The following APBA2 variants were observed in gnomAD, a reference collection of about 807,000 sequenced individuals.
APBA2 encodes the protein amyloid-beta A4 precursor protein-binding family A member 2.
A neutral mutation model predicts 75.0 loss-of-function variants in APBA2; 30 were observed. The ratio of observed to expected loss-of-function variants is 0.40; its 90% CI spans 0.30 to 0.54. The LOEUF (loss-of-function observed/expected upper bound fraction) is 0.54, where lower values mean the gene tolerates loss of function less well. Ranked by LOEUF, APBA2 falls within the 20% of genes least tolerant of loss-of-function variation. The pLI, the probability that APBA2 is intolerant of heterozygous loss-of-function variation, is 0.49. For synonymous variants in APBA2, 444 were observed against 409.6 expected, an observed-to-expected ratio of 1.08 and a Z score of -1.01; for missense variants, 801 against 1,016.1, an observed-to-expected ratio of 0.79 and a Z score of 2.88.
chr15:28,949,758 C>T (rs1416047086), intron 2 of APBA2, among the ~76,000 whole-genome samples: 3 of 152,168 alleles, frequency 2.0e-5, no homozygotes, highest in African/African-American at 7.2e-5. Flanking sequence ...CGTGAGTTAC[C>T]ACACCCGGCC....
At chr15:28,999,701 A>G (rs1458913648) in intron 3 of APBA2, among the ~76,000 whole-genome samples, 1 of 152,188 alleles carries the variant, frequency 6.6e-6, no homozygotes, top group Non-Finnish European at 1.5e-5. Flanking sequence ...TCAGTGTTGT[A>G]TTAGTCAGTT....
intron 4 of APBA2, among the ~76,000 whole-genome samples, chr15:29,061,128 G>A (rs2042113497): frequency 6.6e-6 from 1 of 152,198 alleles, no homozygotes. Context: ...TGGGTCTGTG[G>A]GGTGGCCCTG....
intron 13 of APBA2, among the ~76,000 whole-genome samples, chr15:29,109,805 G>C: frequency 6.6e-6 from 1 of 152,256 alleles, no homozygotes; most frequent in Non-Finnish European, 1.5e-5. Flanking sequence ...TGCTTGTGAA[G>C]ATCAGCTGAG....
intron 4 of APBA2, among the ~76,000 whole-genome samples, chr15:29,061,138 G>C (rs957518837): frequency 5.3e-5 from 8 of 152,208 alleles, no homozygotes; most frequent in African/African-American, 1.9e-4. Context: ...GGGTGGCCCT[G>C]GATGGCATGT....
Position 29,054,796 on chromosome 15 carries a change from C to G in APBA2, c.912C>G (p.Thr304=), listed in dbSNP as rs1469538542. The stretch of plus-strand genomic sequence containing the variant: ...CCCAGAGAGGCTTCAAGCCCAAGAC[C>G]AGGACCCCAGAAGAGAGGCTGAAGT... ...GDPQRGFKPK[T]RTPEERLKWP... is the part of the protein sequence containing the mutation. Residue 304 remains threonine, a synonymous_variant, in exon 4 of 15, where the codon ACC becomes ACG. Transcript: ENST00000683413. The surrounding 1 kb of genome is among the most constrained non-coding windows in gnomAD (Gnocchi z 6.1). 6.2e-7 allele frequency: 1 copy of G among 1,601,746 alleles called. No homozygotes were observed. Among genetic ancestry groups the G allele is most frequent in the Non-Finnish European group, 8.5e-7 (1 of 1,179,920 alleles).
chr15:28,964,922 C>G (rs1044034603), intron 2 of APBA2, among the ~76,000 whole-genome samples: 1 of 150,802 alleles, frequency 6.6e-6, no homozygotes, highest in African/African-American at 2.4e-5. Context: ...ATTTTTTTTT[C>G]TGTTATCTTA....
intron 3 of APBA2, among the ~76,000 whole-genome samples, chr15:29,011,869 T>C: frequency 6.6e-6 from 1 of 152,260 alleles, no homozygotes; most frequent in East Asian, 1.9e-4. Flanking sequence ...AATTTATTCC[T>C]AGTAGGTTGC....
chr15:28,904,192 T>A (rs2033022218), intron 1 of APBA2, among the ~76,000 whole-genome samples: 1 of 152,022 alleles, frequency 6.6e-6, no homozygotes, highest in African/African-American at 2.4e-5. Context: ...GATACCAGAC[T>A]CCACCCGCCG....
At chr15:29,084,895 T>C (rs2043222209) in intron 6 of APBA2, among the ~76,000 whole-genome samples, 1 of 152,240 alleles carries the variant, frequency 6.6e-6, no homozygotes, top group African/African-American at 2.4e-5. Context: ...TCCTGTAAAA[T>C]AGTGGTTGTT....
intron 4 of APBA2, chr15:29,070,970 A>G (rs1346292781): frequency 2.3e-6 from 1 of 433,400 alleles, no homozygotes; most frequent in Non-Finnish European, 4.6e-6. Context: ...TTCACAGGCC[A>G]CTGGGGATGG....
chr15:28,999,472 C>G (rs1268116362), intron 3 of APBA2, among the ~76,000 whole-genome samples: 1 of 152,180 alleles, frequency 6.6e-6, no homozygotes, highest in African/African-American at 2.4e-5. Flanking sequence ...TGAACTCTGC[C>G]TTGCTCCTAA....
intron 3 of APBA2, among the ~76,000 whole-genome samples, chr15:29,047,005 T>C (rs1252799444): frequency 6.6e-6 from 1 of 152,250 alleles, no homozygotes; most frequent in East Asian, 1.9e-4. Context: ...CTGCACTGGT[T>C]GCTCTCTTCT....
Position 29,054,058 on chromosome 15 carries a change from A to G in APBA2, c.174A>G (p.Pro58=). 2.5e-6 allele frequency: 4 copies of G among 1,613,958 alleles called. No individual in the cohort carries two copies. Among genetic ancestry groups the G allele is most frequent in the Non-Finnish European group, 3.4e-6 (4 of 1,180,012 alleles). Residue 58 remains proline, a synonymous_variant, in exon 4 of 15, where the codon CCA becomes CCG. Coordinates refer to ENST00000683413, the MANE Select transcript of APBA2 (RefSeq NM_001353788.2). The surrounding 1 kb of genome is among the most constrained non-coding windows in gnomAD (Gnocchi z 6.1). ...CCCTGCGGCCAGAGAGCCCCGCGCC[A>G]GAGGAACAGGAGTGCCACAACCACA... ...LAALRPESPA[P]EEQECHNHSP...
intron 2 of APBA2, among the ~76,000 whole-genome samples, chr15:28,932,854 G>T: frequency 6.6e-6 from 1 of 152,190 alleles, no homozygotes; most frequent in Non-Finnish European, 1.5e-5. Flanking sequence ...AGGAGATGGG[G>T]CCTTATGGAG....
chr15:28,899,915 C>A lies in APBA2; in HGVS notation c.-205+13637C>A, dbSNP rs139020020. 3.5e-3 allele frequency among the ~76,000 whole-genome samples: 534 copies of A among 152,302 alleles called. 7 individuals carry two copies. The highest frequency in any genetic ancestry group is 0.012 in the African/African-American group (504 of 41,554). On this transcript the variant is annotated intron_variant, in intron 1 of 14. Coordinates refer to ENST00000683413, the MANE Select transcript of APBA2 (RefSeq NM_001353788.2). ...ATATACTATGAAAAAACCAGTCTTT[C>A]CCCCAAGATGCTTTGCGACACAGTG...
At chr15:29,013,141 ATTTT>A (rs142863229) in intron 3 of APBA2, among the ~76,000 whole-genome samples, 2 of 150,166 alleles carry the variant, frequency 1.3e-5, no homozygotes, top group African/African-American at 5.0e-5. Context: ...CAGACATAAT[ATTTT>A]TTTTTACTTC....
intron 2 of APBA2, among the ~76,000 whole-genome samples, chr15:28,934,421 C>T (rs1399488134): frequency 6.6e-6 from 1 of 152,136 alleles, no homozygotes; most frequent in African/African-American, 2.4e-5. Flanking sequence ...TTGTCAAGGT[C>T]TGGCAGCTCA....
rs1342298470 is a variant in APBA2 at position 28,918,559 on chromosome 15, C to T, written c.-204-3081C>T. On this transcript the variant is annotated intron_variant, in intron 1 of 14. Coordinates refer to ENST00000683413, the MANE Select transcript of APBA2 (RefSeq NM_001353788.2). This position sits in a 1 kb window ranked among gnomAD's most constrained non-coding sequence, Gnocchi z 4.2. ...TTTGGTCGCCCCCTGGCGTCCGCGTCATTGTGGGAACACTCGGGCGGGATG... is the reference window on the plus strand; with the variant it reads ...TTTGGTCGCCCCCTGGCGTCCGCGTTATTGTGGGAACACTCGGGCGGGATG... 2.1e-5 allele frequency among the ~76,000 whole-genome samples: 3 copies of T among 140,686 alleles called. No homozygotes were observed. The highest frequency in any genetic ancestry group is 4.5e-5 in the Non-Finnish European group (3 of 66,162). 92.3% of individuals were successfully genotyped at this position (140,686 alleles called of 152,430 possible).
intron 3 of APBA2, among the ~76,000 whole-genome samples, chr15:29,008,147 C>T (rs1456362688): frequency 2.6e-5 from 4 of 152,166 alleles, no homozygotes; most frequent in Admixed American, 2.6e-4. Flanking sequence ...TAGCACAGAT[C>T]CTGTGTGGTT....
Sources: allele counts gnomAD v4.1 joint callset (sites outside exome capture counted in the v4.1 genomes callset), GRCh38; gene constraint gnomAD v4.1.1; non-coding constraint Gnocchi (gnomAD v3.1); transcripts MANE v1.5; gene names NCBI Gene and HGNC (gene_info 2026-07-23, HGNC 2026-07-21).